Variants in ARHGAP8 observed in about 807,000 individuals in gnomAD.
ARHGAP8 encodes the protein Rho GTPase activating protein 8, also known as rho GTPase-activating protein 8.
In ARHGAP8, 62 loss-of-function variants were observed where a neutral mutation model predicts 46.1. That is an observed-to-expected ratio of 1.34 (90% CI 1.10 to 1.66). ARHGAP8 has a LOEUF of 1.66. ARHGAP8 is among the 40% of genes most tolerant of loss of function. The pLI is 0.00. For missense variants in ARHGAP8, 923 were observed against 568.4 expected (o/e 1.62, Z -6.34); for synonymous variants, 375 against 243.1 (o/e 1.54, Z -5.05).
chr22:44,816,137 C>T (rs549635019), intron 5 of ARHGAP8, among the ~76,000 whole-genome samples: 165 of 144,180 alleles, frequency 1.1e-3, no homozygotes, highest in Middle Eastern at 7.1e-3. Context: ...TCTCCCCCCT[C>T]GGCTCCTTCC....
intron 5 of ARHGAP8, among the ~76,000 whole-genome samples, chr22:44,816,651 T>C (rs532795551): frequency 2.0e-5 from 3 of 151,890 alleles, no homozygotes; most frequent in Admixed American, 6.6e-5. Flanking sequence ...ATAAAAAATA[T>C]AAAAATTAGC....
At chr22:44,859,440 C>G (rs980610709) in intron 10 of ARHGAP8, among the ~76,000 whole-genome samples, 1 of 152,210 alleles carries the variant, frequency 6.6e-6, no homozygotes, top group African/African-American at 2.4e-5. Context: ...CCTCCTGAGG[C>G]TTCTCCAGAA....
intron 2 of ARHGAP8, among the ~76,000 whole-genome samples, chr22:44,798,529 G>A (rs565998393): frequency 2.6e-4 from 34 of 130,028 alleles, no homozygotes; most frequent in African/African-American, 4.5e-4. Flanking sequence ...GGGGACTTGC[G>A]TTTTTTTTTT....
intron 2 of ARHGAP8, among the ~76,000 whole-genome samples, chr22:44,794,028 A>T (rs1169312719): frequency 1.3e-5 from 2 of 152,204 alleles, no homozygotes; most frequent in African/African-American, 4.8e-5. Context: ...TGCGCAGGGC[A>T]GAGGAAGGCG....
chr22:44,832,137 G>T (rs1002695087), intron 7 of ARHGAP8, among the ~76,000 whole-genome samples: 1 of 146,980 alleles, frequency 6.8e-6, no homozygotes, highest in African/African-American at 2.5e-5. Flanking sequence ...TTTTTCAGTG[G>T]TATTTTATGG....
At chr22:44,849,748 G>A (rs2070048846) in intron 10 of ARHGAP8, 1 of 152,198 alleles carries the variant, frequency 6.6e-6, no homozygotes, top group South Asian at 2.1e-4. Context: ...AGCTGATTTT[G>A]GTGTGAATTC....
At chr22:44,786,200 A>G (rs1005013693) in intron 1 of ARHGAP8, 6 of 579,408 alleles carry the variant, frequency 1.0e-5, no homozygotes, top group Non-Finnish European at 1.8e-5. Context: ...TAGGGCGTAT[A>G]GTGGGTGCTC....
At chr22:44,809,413 A>G (rs1192215385) in intron 4 of ARHGAP8, 13 of 354,912 alleles carry the variant, frequency 3.7e-5, no homozygotes, top group Non-Finnish European at 6.7e-5. Flanking sequence ...TGGCAAAGAA[A>G]CAACTGCATG....
intron 11 of ARHGAP8, among the ~76,000 whole-genome samples, chr22:44,860,321 C>G (rs953748899): frequency 6.6e-6 from 1 of 152,144 alleles, no homozygotes; most frequent in African/African-American, 2.4e-5. Context: ...AGTCCAAAAG[C>G]AAGGTGTGGC....
chr22:44,843,846 G>T (rs1303734279), intron 7 of ARHGAP8, among the ~76,000 whole-genome samples: 1 of 147,048 alleles, frequency 6.8e-6, no homozygotes, highest in Non-Finnish European at 1.5e-5. Flanking sequence ...AAAAAAAAAG[G>T]ATGGGATATG....
In ARHGAP8 at chr22:44,822,377, G is replaced by C. The variant is rs752732756; in HGVS notation, c.393G>C (p.Lys131Asn). 14 of 1,579,988 alleles carry C rather than the reference G, an allele frequency of 8.9e-6. 1 individual carries two copies. In the South Asian group the frequency reaches 1.7e-4, roughly 19 times the overall value. The change falls in exon 6 of 12, where the codon AAG becomes AAC. Residue 131 changes from lysine to asparagine, a missense_variant. By Grantham distance (94) the Lys-to-Asn change is moderately conservative (BLOSUM62 0). Transcript: ENST00000356099. ...WNILKPLISH[K>N]FGKKVIYFNY... ...CTTGCTTCTGCTTTCTTAGTCACAA[G>C]TTTGGGAAGAAAGTCATCTATTTCA...
chr22:44,776,879 C>T (rs142933911), intron 1 of ARHGAP8, among the ~76,000 whole-genome samples: 136 of 152,126 alleles, frequency 8.9e-4, no homozygotes, highest in African/African-American at 2.9e-3. Context: ...TCCCTGTATC[C>T]CCCCTGCCTC....
intron 4 of ARHGAP8, chr22:44,808,819 AAAAC>A (rs1929130377): frequency 1.3e-5 from 5 of 372,920 alleles, no homozygotes; most frequent in Admixed American, 7.3e-5. Context: ...CAAAAAAAAA[AAAAC>A]CAAAAACAAA....
intron 1 of ARHGAP8, 35 bp downstream of exon 1, chr22:44,752,662 G>A (rs1429639221): frequency 1.3e-5 from 2 of 150,708 alleles, no homozygotes; most frequent in African/African-American, 4.9e-5. Flanking sequence ...AGCGCGCAGG[G>A]AGGAGGCCGT....
intron 1 of ARHGAP8, among the ~76,000 whole-genome samples, chr22:44,782,160 C>A (rs1488114225): frequency 6.6e-6 from 1 of 152,022 alleles, no homozygotes; most frequent in East Asian, 1.9e-4. Flanking sequence ...TGTGGTGAAA[C>A]CCCATCTCTA....
chr22:44,755,134 C>G (rs1014008989), intron 1 of ARHGAP8, among the ~76,000 whole-genome samples: 3 of 152,214 alleles, frequency 2.0e-5, no homozygotes, highest in African/African-American at 4.8e-5. Flanking sequence ...TGTTACTGCC[C>G]CGTTCACAGA....
intron 10 of ARHGAP8, among the ~76,000 whole-genome samples, chr22:44,854,024 CAAAAAAAAAAAAAAAAAAAAA>C (rs71315119): frequency 0.013 from 583 of 43,298 alleles, 6 homozygotes; most frequent in African/African-American, 0.037. Context: ...GACTCTGTCT[CAAAAAAAAAAAAAAAAAAAAA>C]AAAAAAAAAA....
intron 1 of ARHGAP8, among the ~76,000 whole-genome samples, chr22:44,780,616 C>T (rs1235273915): frequency 6.7e-6 from 1 of 148,480 alleles, no homozygotes; most frequent in Non-Finnish European, 1.5e-5. Context: ...GAGCCGAGAT[C>T]GCACCACTGC....
chr22:44,795,635 G>T (rs984317735), intron 2 of ARHGAP8, among the ~76,000 whole-genome samples: 1 of 152,164 alleles, frequency 6.6e-6, no homozygotes. Context: ...GGGAGGCAGA[G>T]GGGAGCCCCC....
Sources: allele counts gnomAD v4.1 joint callset (sites outside exome capture counted in the v4.1 genomes callset), GRCh38; gene constraint gnomAD v4.1.1; transcripts MANE v1.5; gene names NCBI Gene and HGNC (gene_info 2026-07-23, HGNC 2026-07-21).